The following GLIS3 variants were observed in gnomAD, a reference collection of about 807,000 sequenced individuals.
GLIS3 encodes zinc finger protein GLIS3.
Under a neutral mutation model 78.6 loss-of-function variants are expected in GLIS3, and 53 were observed. The ratio of observed to expected loss-of-function variants is 0.67; its 90% CI spans 0.54 to 0.85. The LOEUF is 0.85. GLIS3 is among the 40% of genes least tolerant of loss of function. The probability of loss-of-function intolerance (pLI) is 0.00; values close to 1 mark genes in which losing one functional copy is unlikely to be tolerated. For missense variants in GLIS3, 1,703 were observed against 1,231.1 expected (o/e 1.38, Z -5.74); for synonymous variants, 684 against 509.9 (o/e 1.34, Z -4.60).
chr9:4,054,907 T>C (rs1318275517), intron 4 of GLIS3, among the ~76,000 whole-genome samples: 1 of 152,176 alleles, frequency 6.6e-6, no homozygotes, highest in Non-Finnish European at 1.5e-5. Context: ...AAGGAAGATA[T>C]TGGTCCAAAT....
intron 2 of GLIS3, among the ~76,000 whole-genome samples, chr9:4,269,248 G>A (rs1826288731): frequency 6.6e-6 from 1 of 152,072 alleles, no homozygotes; most frequent in Admixed American, 6.6e-5. Flanking sequence ...TGCTCAGCCT[G>A]TCATCAATAT....
At chr9:4,381,006 G>A in the GLIS3 span, among the ~76,000 whole-genome samples, 1 of 152,136 alleles carries the variant, frequency 6.6e-6, no homozygotes, top group Non-Finnish European at 1.5e-5. Context: ...AATGGCCAGA[G>A]GGTAAGTAGT....
intron 4 of GLIS3, among the ~76,000 whole-genome samples, chr9:3,982,213 G>GGTTT (rs796293700): frequency 6.8e-6 from 1 of 146,404 alleles, no homozygotes; most frequent in African/African-American, 2.5e-5. Context: ...TTACCTCTCT[G>GGTTT]TTTTTTTTTT....
At chr9:4,477,484 G>A in the GLIS3 span, among the ~76,000 whole-genome samples, 50 of 151,976 alleles carry the variant, frequency 3.3e-4, 1 homozygote, top group South Asian at 0.01. Flanking sequence ...GCGTGATCAC[G>A]GCTCACTGCA....
Position 4,320,664 on chromosome 9 carries a change from C to A in GLIS3, n.265-10136G>T, listed in dbSNP as rs527729610. ...TCATTACTGTTGCCACCATCACTAC[C>A]TCCATCATCACCACCGCCATCACCA... On this transcript the variant is annotated intron_variant and non_coding_transcript_variant, in intron 2 of 4. Transcript: ENST00000471664. Among the ~76,000 whole-genome samples the A allele has an allele frequency of 1.4e-4, 21 of 152,168 alleles. No individual in the cohort carries two copies. The East Asian group carries it at 2.1e-3, about 15-fold the overall frequency.
At chr9:4,221,426 A>T (rs1821319560) in intron 2 of GLIS3, among the ~76,000 whole-genome samples, 1 of 152,246 alleles carries the variant, frequency 6.6e-6, no homozygotes, top group Admixed American at 6.5e-5. Context: ...GGAAACTTCA[A>T]ACATGTGCAA....
At chr9:3,973,274 A>G (rs1818524228) in intron 4 of GLIS3, among the ~76,000 whole-genome samples, 1 of 152,144 alleles carries the variant, frequency 6.6e-6, no homozygotes, top group African/African-American at 2.4e-5. Flanking sequence ...TTTGGTGTCT[A>G]GAGTTTTTAT....
chr9:4,003,609 AGT>A (rs1821294284), intron 4 of GLIS3, among the ~76,000 whole-genome samples: 1 of 152,202 alleles, frequency 6.6e-6, no homozygotes, highest in Non-Finnish European at 1.5e-5. Flanking sequence ...CAATGTTTTG[AGT>A]GTCTCTAAGT....
At chr9:4,202,257 T>G (rs921875034) in intron 2 of GLIS3, among the ~76,000 whole-genome samples, 1 of 148,530 alleles carries the variant, frequency 6.7e-6, no homozygotes, top group African/African-American at 2.5e-5. Context: ...TTCATGCCAT[T>G]CTCCTGCCTC....
chr9:4,440,573 T>A, the GLIS3 span, among the ~76,000 whole-genome samples: 4 of 152,246 alleles, frequency 2.6e-5, 1 homozygote, highest in Admixed American at 2.0e-4. Context: ...CTTTGTTGTA[T>A]ATTTTTAAAT....
intron 2 of GLIS3, among the ~76,000 whole-genome samples, chr9:4,246,223 T>C (rs746854291): frequency 6.6e-6 from 1 of 152,290 alleles, no homozygotes; most frequent in East Asian, 1.9e-4. Context: ...TCCAGTCTCA[T>C]AACCCAGTCT....
At chr9:4,088,246 G>T (rs371309547) in intron 4 of GLIS3, among the ~76,000 whole-genome samples, 1 of 152,208 alleles carries the variant, frequency 6.6e-6, no homozygotes, top group African/African-American at 2.4e-5. Flanking sequence ...TTAATTTACC[G>T]ACCTGCCTCC....
chr9:4,232,811 G>C (rs562932062), intron 2 of GLIS3, among the ~76,000 whole-genome samples: 9 of 152,164 alleles, frequency 5.9e-5, no homozygotes, highest in African/African-American at 2.2e-4. Context: ...CCAACCACTA[G>C]TCATATTTAA....
chr9:4,049,461 G>A (rs2130455523), intron 4 of GLIS3, among the ~76,000 whole-genome samples: 1 of 152,308 alleles, frequency 6.6e-6, no homozygotes, highest in East Asian at 1.9e-4. Flanking sequence ...CAGGCTGGCT[G>A]TTAAAGGCTG....
chr9:4,393,804 C>G, the GLIS3 span, among the ~76,000 whole-genome samples: 7 of 152,086 alleles, frequency 4.6e-5, no homozygotes, highest in African/African-American at 1.4e-4. Flanking sequence ...GTAATGTTAA[C>G]TTTGATTAGT....
chr9:4,455,198 A>C, the GLIS3 span, among the ~76,000 whole-genome samples: 264 of 152,348 alleles, frequency 1.7e-3, 2 homozygotes, highest in Non-Finnish European at 2.8e-3. Context: ...CACATCGGTG[A>C]GTCCATAAAT....
At chr9:4,326,617 G>A (rs1449404021) in intron 2 of GLIS3, among the ~76,000 whole-genome samples, 3 of 152,018 alleles carry the variant, frequency 2.0e-5, no homozygotes, top group Admixed American at 2.0e-4. Context: ...AGCGGATGGT[G>A]GTAATGACGG....
chr9:3,840,574 T>C (rs1339414385), intron 9 of GLIS3, among the ~76,000 whole-genome samples: 1 of 152,156 alleles, frequency 6.6e-6, no homozygotes, highest in African/African-American at 2.4e-5. Context: ...AAGCAACTAC[T>C]CTACTAAGAA....
intron 2 of GLIS3, among the ~76,000 whole-genome samples, chr9:4,143,334 A>G (rs943727082): frequency 2.6e-5 from 4 of 152,098 alleles, no homozygotes; most frequent in Non-Finnish European, 5.9e-5. Context: ...TGGGAGGCTG[A>G]GGCGGGCAGA....
Sources: gnomAD v4.1 joint callset for allele counts (sites outside exome capture counted in the v4.1 genomes callset) on GRCh38, gnomAD v4.1.1 for gene constraint, MANE v1.5 for transcripts, NCBI Gene and HGNC (gene_info 2026-07-23, HGNC 2026-07-21) for gene names.